The following COL10A1 variants were observed in gnomAD, a reference collection of about 807,000 sequenced individuals.
COL10A1 encodes the protein collagen type X alpha 1 chain.
COL10A1 carries 10 observed loss-of-function variants against 18.2 expected under a neutral mutation model. That is an observed-to-expected ratio of 0.55 (90% CI 0.34 to 0.93). The LOEUF (loss-of-function observed/expected upper bound fraction) is 0.93, where lower values mean the gene tolerates loss of function less well. Ranked by LOEUF, COL10A1 falls within the 40% of genes least tolerant of loss-of-function variation. COL10A1 has a pLI of 0.02. For synonymous variants in COL10A1, 330 were observed against 316.6 expected, an observed-to-expected ratio of 1.04 and a Z score of -0.45; for missense variants, 897 against 853.5, an observed-to-expected ratio of 1.05 and a Z score of -0.64.
chr6:116,201,136 G>A, the COL10A1 span, among the ~76,000 whole-genome samples: 2 of 151,998 alleles, frequency 1.3e-5, no homozygotes, highest in South Asian at 4.1e-4. Context: ...ATAAGAAGGT[G>A]AGATAAGGGG....
At chr6:116,136,066 G>A (rs1779592977) in intron 1 of COL10A1, among the ~76,000 whole-genome samples, 1 of 151,814 alleles carries the variant, frequency 6.6e-6, no homozygotes, top group African/African-American at 2.4e-5. Flanking sequence ...GAAACTTTGT[G>A]CCACTTGAAA....
Position 116,119,501 on chromosome 6 carries a change from A to G in COL10A1, c.*572T>C, listed in dbSNP as rs1428601951. ...TTAACAAGTATATATGCACCTGTATATTTGAATAGATATTGATGAAAGGGG... is the reference window on the plus strand; with the variant it reads ...TTAACAAGTATATATGCACCTGTATGTTTGAATAGATATTGATGAAAGGGG... On this transcript the variant is annotated 3_prime_UTR_variant, in exon 3 of 3. Transcript: ENST00000651968. 2 of 153,132 alleles carry G rather than the reference A, an allele frequency of 1.3e-5. No individual in the cohort carries two copies. Among genetic ancestry groups the G allele is most frequent in the African/African-American group, 4.8e-5 (2 of 41,456 alleles). 9.5% of individuals were successfully genotyped at this position (153,132 alleles called of 1,614,324 possible).
the COL10A1 span, among the ~76,000 whole-genome samples, chr6:116,168,696 A>G: frequency 2.0e-5 from 3 of 150,708 alleles, no homozygotes; most frequent in Non-Finnish European, 3.0e-5. Flanking sequence ...GATACTAGCT[A>G]TTGTTTTTTT....
the COL10A1 span, among the ~76,000 whole-genome samples, chr6:116,197,863 C>G: frequency 6.6e-6 from 1 of 151,810 alleles, no homozygotes; most frequent in Non-Finnish European, 1.5e-5. Flanking sequence ...ACCAGACATG[C>G]CAGTGCATTG....
chr6:116,191,150 C>G, the COL10A1 span, among the ~76,000 whole-genome samples: 3 of 151,898 alleles, frequency 2.0e-5, no homozygotes, highest in Non-Finnish European at 1.5e-5. Flanking sequence ...TGATTCTACT[C>G]ATGTAACCTT....
chr6:116,186,254 G>C, the COL10A1 span, among the ~76,000 whole-genome samples: 1 of 151,612 alleles, frequency 6.6e-6, no homozygotes, highest in Non-Finnish European at 1.5e-5. Flanking sequence ...AATCTGATAG[G>C]TTTTCCTTTA....
chr6:116,169,679 A>T, the COL10A1 span, among the ~76,000 whole-genome samples: 1 of 152,224 alleles, frequency 6.6e-6, no homozygotes, highest in Non-Finnish European at 1.5e-5. Flanking sequence ...TGGATAAAAC[A>T]TGAGGAATGA....
the COL10A1 span, among the ~76,000 whole-genome samples, chr6:116,166,488 A>G: frequency 6.6e-6 from 1 of 152,218 alleles, no homozygotes; most frequent in Non-Finnish European, 1.5e-5. Flanking sequence ...GGTATTGGGA[A>G]TAGTGGATAT....
At chr6:116,138,445 A>C (rs1352024961) in intron 1 of COL10A1, among the ~76,000 whole-genome samples, 4 of 152,152 alleles carry the variant, frequency 2.6e-5, no homozygotes, top group Non-Finnish European at 5.9e-5. Flanking sequence ...AACCATCTCA[A>C]ATTGGTGAAC....
intron 1 of COL10A1, among the ~76,000 whole-genome samples, chr6:116,154,029 CTT>C (rs34356532): frequency 4.4e-4 from 54 of 122,298 alleles, no homozygotes; most frequent in East Asian, 1.5e-3. Context: ...GGGAAGATTT[CTT>C]TTTTTTTTTT....
the COL10A1 span, among the ~76,000 whole-genome samples, chr6:116,182,918 CT>C: frequency 6.6e-6 from 1 of 151,892 alleles, no homozygotes. Flanking sequence ...GTTGAATTTG[CT>C]TTTGAGTTCT....
At position 116,120,671 on chromosome 6, in the gene COL10A1, G is replaced by GT; in HGVS notation, c.1444dup (p.Thr482AsnfsTer2). On this transcript the variant is annotated frameshift_variant, in exon 3 of 3. Coordinates refer to ENST00000651968, the MANE Select transcript of COL10A1 (RefSeq NM_000493.4). LOFTEE classifies it low-confidence loss of function (END_TRUNC). Reference sequence around the variant, plus strand: ...CCCGGTGGGTCCATTGAGGCCCTTAGTTGCTATGCCAGCTGGGCCAGGAGG... The same window carrying GT: ...CCCGGTGGGTCCATTGAGGCCCTTAGTTTGCTATGCCAGCTGGGCCAGGAGG... 1 of 1,546,546 alleles carries GT rather than the reference G, an allele frequency of 6.5e-7. No homozygotes were observed. Among genetic ancestry groups the GT allele is most frequent in the Non-Finnish European group, 8.7e-7 (1 of 1,154,106 alleles).
chr6:116,201,103 T>C, the COL10A1 span, among the ~76,000 whole-genome samples: 1 of 151,940 alleles, frequency 6.6e-6, no homozygotes, highest in Non-Finnish European at 1.5e-5. Context: ...GCCCAAGAGG[T>C]ACTGCACCTA....
chr6:116,163,220 C>T (rs1309905063), upstream of COL10A1, among the ~76,000 whole-genome samples: 1 of 146,728 alleles, frequency 6.8e-6, no homozygotes, highest in African/African-American at 2.5e-5. Flanking sequence ...GCTGTGAATT[C>T]CCCTGGTCCT....
rs1779178445 is a variant in COL10A1, at chr6:116,122,969, CATTG to C, written c.155-1012_155-1009del. ...AAAGATTTCCGTATATTAAATATTT[CATTG>C]ATTGTAGTGTACATACATGATTATA... On this transcript the variant is annotated intron_variant, in intron 2 of 2. Coordinates refer to ENST00000651968, the MANE Select transcript of COL10A1 (RefSeq NM_000493.4). Among the ~76,000 whole-genome samples the C allele has an allele frequency of 3.3e-5, 5 of 152,154 alleles. No individual in the cohort carries two copies. In the South Asian group the frequency reaches 1.0e-3, roughly 32 times the overall value.
At chr6:116,153,385 C>G (rs1459514952) in intron 1 of COL10A1, among the ~76,000 whole-genome samples, 2 of 152,088 alleles carry the variant, frequency 1.3e-5, no homozygotes, top group African/African-American at 4.8e-5. Flanking sequence ...GATTTTAGAT[C>G]TAATATCTGT....
chr6:116,149,950 G>A (rs1345841912), intron 1 of COL10A1, among the ~76,000 whole-genome samples: 3 of 152,206 alleles, frequency 2.0e-5, no homozygotes, highest in Non-Finnish European at 4.4e-5. Context: ...GGTTGAAAGT[G>A]TTGCTACATT....
At chr6:116,212,187 C>T in the COL10A1 span, among the ~76,000 whole-genome samples, 1 of 151,932 alleles carries the variant, frequency 6.6e-6, no homozygotes, top group Non-Finnish European at 1.5e-5. Context: ...TGATTTGAAA[C>T]TTTAGTATGT....
the COL10A1 span, among the ~76,000 whole-genome samples, chr6:116,177,340 A>C: frequency 6.6e-6 from 1 of 152,166 alleles, no homozygotes; most frequent in Admixed American, 6.6e-5. Flanking sequence ...ACTTGATAGA[A>C]TATATCCAAA....
Sources: allele counts gnomAD v4.1 joint callset (sites outside exome capture counted in the v4.1 genomes callset), GRCh38; gene constraint gnomAD v4.1.1; transcripts MANE v1.5; gene names NCBI Gene and HGNC (gene_info 2026-07-23, HGNC 2026-07-21).